Variants in SLIT3 observed in about 807,000 individuals in gnomAD.
The protein encoded by SLIT3 is slit homolog 3 protein.
A neutral mutation model predicts 184.0 loss-of-function variants in SLIT3; 68 were observed. The observed-to-expected ratio is 0.37, with a 90% CI of 0.30 to 0.45. SLIT3 has a LOEUF of 0.45. Among genes scored for constraint, SLIT3 ranks in the 20% least tolerant of loss-of-function variants. SLIT3 has a pLI of 1.00. For synonymous variants in SLIT3, 831 were observed against 828.6 expected (o/e 1.00, Z -0.05); for missense variants, 1,707 against 2,026.0 (o/e 0.84, Z 3.02).
At chr5:168,680,609 A>G (rs1209155651) in intron 32 of SLIT3, among the ~76,000 whole-genome samples, 2 of 151,882 alleles carry the variant, frequency 1.3e-5, no homozygotes, top group Non-Finnish European at 2.9e-5. Flanking sequence ...GCTAGAGGTT[A>G]TTGTACTGAT....
At position 168,953,519 on chromosome 5, in the gene SLIT3, G is replaced by T. The variant is rs118131304; in HGVS notation, c.414-70183C>A. ...TATACAACAGATCACTTAGAAATAGGAACACACAGCTGGTTCTCCTCCGTA... is the reference window on the plus strand; with the variant it reads ...TATACAACAGATCACTTAGAAATAGTAACACACAGCTGGTTCTCCTCCGTA... On this transcript the variant is annotated intron_variant, in intron 4 of 35. Transcript: ENST00000519560. Among the ~76,000 whole-genome samples, 29 of 152,294 alleles carry T rather than the reference G, an allele frequency of 1.9e-4. No individual in the cohort carries two copies. The East Asian group carries it at 5.0e-3, about 26-fold the overall frequency.
At chr5:169,042,168 A>G (rs1757468627) in intron 4 of SLIT3, among the ~76,000 whole-genome samples, 2 of 152,214 alleles carry the variant, frequency 1.3e-5, no homozygotes, top group Admixed American at 6.5e-5. Flanking sequence ...ACTCTCCAGA[A>G]TCACACTTCC....
intron 21 of SLIT3, 60 bp from the exon 22 acceptor site, chr5:168,723,064 T>C: frequency 8.2e-7 from 1 of 1,223,482 alleles, no homozygotes; most frequent in Admixed American, 1.7e-5. Context: ...TAGGAGGCCA[T>C]TCCCAAGTAT....
In SLIT3 at chr5:169,300,577, C is replaced by T. The variant is rs573064281; in HGVS notation, c.133G>A (p.Val45Met). The part of the protein sequence containing the change: ...PTKCTCSAAS[V>M]DCHGLGLRAV... ...CGGAGGCCCAGCCCGTGGCAGTCCACGCTGGCAGCGGAGCAGGTACACTTG... is the reference window on the plus strand; with the variant it reads ...CGGAGGCCCAGCCCGTGGCAGTCCATGCTGGCAGCGGAGCAGGTACACTTG... The change falls in exon 1 of 36, where the codon GTG (valine) becomes ATG (methionine). Residue 45 changes from valine to methionine, a missense_variant. Transcript: ENST00000519560. This position sits in a 1 kb window ranked among gnomAD's most constrained non-coding sequence, Gnocchi z 4.1. 9.9e-6 allele frequency: 15 copies of T among 1,513,082 alleles called. No homozygotes were observed. In the African/African-American group the frequency reaches 2.0e-4, roughly 20 times the overall value. The allele number at this position is 1,513,082 out of a possible 1,614,324, so 93.7% of individuals were successfully genotyped here. A position where few individuals can be genotyped will look rare whatever the true frequency, so the allele number is the denominator to read the frequency against.
At chr5:169,228,015 G>C (rs7738028) in intron 3 of SLIT3, among the ~76,000 whole-genome samples, 5,231 of 152,282 alleles carry the variant, frequency 0.034, 147 homozygotes, top group South Asian at 0.14. Context: ...TAAGTGCCCA[G>C]GTTCCCAACG....
intron 4 of SLIT3, among the ~76,000 whole-genome samples, chr5:169,108,647 C>T (rs1016438227): frequency 6.6e-6 from 1 of 152,120 alleles, no homozygotes; most frequent in African/African-American, 2.4e-5. Flanking sequence ...CCTTTTAATG[C>T]TCTTGGTGGA....
intron 4 of SLIT3, among the ~76,000 whole-genome samples, chr5:169,132,361 A>C (rs2113318559): frequency 6.6e-6 from 1 of 152,260 alleles, no homozygotes; most frequent in Non-Finnish European, 1.5e-5. Flanking sequence ...TACACAAGAA[A>C]CTGTGTTATA....
At chr5:169,256,666 A>G (rs1389409428) in intron 1 of SLIT3, among the ~76,000 whole-genome samples, 1 of 152,208 alleles carries the variant, frequency 6.6e-6, no homozygotes, top group Non-Finnish European at 1.5e-5. Flanking sequence ...TGAATACACA[A>G]TATTTACCAT....
intron 5 of SLIT3, among the ~76,000 whole-genome samples, chr5:168,867,168 T>C (rs974283413): frequency 6.6e-6 from 1 of 152,244 alleles, no homozygotes; most frequent in Non-Finnish European, 1.5e-5. Context: ...CTGGAGCAGG[T>C]GGTTTTCAAA....
At chr5:168,907,977 T>TAGAGAGAGAGAGAGAGAG (rs1306645535) in intron 4 of SLIT3, among the ~76,000 whole-genome samples, 3 of 62,240 alleles carry the variant, frequency 4.8e-5, no homozygotes, top group African/African-American at 2.7e-4. Flanking sequence ...TATATATATA[T>TAGAGAGAGAGAGAGAGAG]ATAGAGAGAG....
intron 4 of SLIT3, among the ~76,000 whole-genome samples, chr5:169,007,643 C>T (rs989166824): frequency 2.0e-5 from 3 of 152,332 alleles, no homozygotes; most frequent in African/African-American, 7.2e-5. Context: ...ACTGAATATA[C>T]ACTGACTTGC....
chr5:169,004,262 G>A (rs961346154), intron 4 of SLIT3, among the ~76,000 whole-genome samples: 3 of 152,118 alleles, frequency 2.0e-5, no homozygotes, highest in Non-Finnish European at 4.4e-5. Flanking sequence ...TGGCTCCTTC[G>A]GGAGTCCCTG....
rs201157366 is a variant in SLIT3, at chr5:168,734,477, C to A, written c.2271-9993G>T. Among the ~76,000 whole-genome samples, 3 of 152,302 alleles carry A rather than the reference C, an allele frequency of 2.0e-5. No homozygotes were observed. In the East Asian group the frequency reaches 5.8e-4, roughly 29 times the overall value. ...TCCCTCCTTGCCAGGTTAACTCCTA[C>A]AGATGCATGGATCTCAGCTCCAGCA... is the stretch of plus-strand genomic sequence containing the variant. On this transcript the variant is annotated intron_variant, in intron 20 of 35. Coordinates refer to ENST00000519560, the MANE Select transcript of SLIT3 (RefSeq NM_003062.4).
chr5:168,980,125 C>G (rs548899136), intron 4 of SLIT3, among the ~76,000 whole-genome samples: 12 of 152,218 alleles, frequency 7.9e-5, no homozygotes, highest in South Asian at 2.1e-4. Context: ...AATCCCAAAC[C>G]CTTTTTATCT....
chr5:168,736,739 A>AGTGCCTGGGC (rs1561901574), intron 20 of SLIT3, among the ~76,000 whole-genome samples: 5 of 151,598 alleles, frequency 3.3e-5, no homozygotes, highest in African/African-American at 1.2e-4. Flanking sequence ...TGCAATGCAG[A>AGTGCCTGGGC]TGTCAGTTTT....
chr5:169,033,780 T>C (rs1757128827), intron 4 of SLIT3, among the ~76,000 whole-genome samples: 1 of 151,850 alleles, frequency 6.6e-6, no homozygotes, highest in Non-Finnish European at 1.5e-5. Context: ...ATTTTTAAAT[T>C]GGGTTATGTG....
chr5:169,136,451 T>G (rs894352051), intron 4 of SLIT3, among the ~76,000 whole-genome samples: 1 of 152,078 alleles, frequency 6.6e-6, no homozygotes, highest in African/African-American at 2.4e-5. Flanking sequence ...CTGGACAGGG[T>G]GGAGGTGGTG....
intron 4 of SLIT3, among the ~76,000 whole-genome samples, chr5:168,890,043 G>C (rs185926803): frequency 1.0e-3 from 153 of 151,552 alleles, no homozygotes; most frequent in Non-Finnish European, 1.3e-3. Context: ...CTGAGGCTAA[G>C]GCAGGAGAAT....
chr5:169,126,843 T>A (rs375958019), intron 4 of SLIT3, among the ~76,000 whole-genome samples: 2 of 150,438 alleles, frequency 1.3e-5, no homozygotes, highest in African/African-American at 4.9e-5. Flanking sequence ...TCAAACCTGA[T>A]CCTTGGTTGC....
Sources: gnomAD v4.1 joint callset for allele counts (sites outside exome capture counted in the v4.1 genomes callset) on GRCh38, gnomAD v4.1.1 for gene constraint, Gnocchi (gnomAD v3.1) non-coding constraint, MANE v1.5 for transcripts, NCBI Gene and HGNC (gene_info 2026-07-23, HGNC 2026-07-21) for gene names.